Variants in RPF2 observed in about 807,000 individuals in gnomAD.
RPF2 encodes the protein brix domain containing 1.
Under a neutral mutation model 38.9 loss-of-function variants are expected in RPF2, and 21 were observed. The observed-to-expected ratio is 0.54, with a 90% confidence interval of 0.38 to 0.78. RPF2 has a LOEUF of 0.78. Among genes scored for constraint, RPF2 ranks in the 30% least tolerant of loss-of-function variants. The pLI, the probability that RPF2 is intolerant of heterozygous loss-of-function variation, is 0.00. For synonymous variants in RPF2, 121 were observed against 126.2 expected, an observed-to-expected ratio of 0.96 and a Z score of 0.28; for missense variants, 314 against 358.1, an observed-to-expected ratio of 0.88 and a Z score of 0.99.
chr6:111,006,197 C>T (rs904510480), intron 6 of RPF2, among the ~76,000 whole-genome samples: 2 of 151,584 alleles, frequency 1.3e-5, no homozygotes, highest in African/African-American at 4.8e-5. Context: ...TCCTAAAGTG[C>T]TGGGATTACA....
chr6:110,987,640 G>A (rs1287206598), intron 2 of RPF2, among the ~76,000 whole-genome samples: 1 of 152,158 alleles, frequency 6.6e-6, no homozygotes, highest in East Asian at 1.9e-4. Context: ...TTATTACACG[G>A]AAACAGGGAA....
At chr6:111,000,858 G>C (rs1279212735) in intron 6 of RPF2, among the ~76,000 whole-genome samples, 1 of 150,640 alleles carries the variant, frequency 6.6e-6, no homozygotes, top group African/African-American at 2.5e-5. Flanking sequence ...CTAGGGCTTT[G>C]AGAGAAGTGA....
At chr6:111,011,297 TTTCTTTCTTTC>T (rs1183968754) in intron 7 of RPF2, among the ~76,000 whole-genome samples, 2 of 143,766 alleles carry the variant, frequency 1.4e-5, no homozygotes, top group Admixed American at 6.8e-5. Context: ...TCTTTCTTTC[TTTCTTTCTTTC>T]TTTTTTTTTT....
At chr6:111,012,441 G>T (rs1303626996) in intron 7 of RPF2, among the ~76,000 whole-genome samples, 1 of 152,062 alleles carries the variant, frequency 6.6e-6, no homozygotes, top group African/African-American at 2.4e-5. Context: ...CAAAGTTGGA[G>T]GTGTGAGCCA....
chr6:110,992,698 G>A (rs1771640751), intron 4 of RPF2, among the ~76,000 whole-genome samples: 1 of 152,130 alleles, frequency 6.6e-6, no homozygotes, highest in Admixed American at 6.6e-5. Flanking sequence ...GAAAAAACTG[G>A]TTAGTGAAAT....
intron 2 of RPF2, among the ~76,000 whole-genome samples, chr6:110,985,799 G>A (rs750837205): frequency 1.3e-5 from 2 of 152,090 alleles, no homozygotes; most frequent in Non-Finnish European, 2.9e-5. Flanking sequence ...TTAGCCGGGT[G>A]TGGTGGCGGG....
At chr6:111,024,410 A>G in intron 9 of RPF2, 83 bp downstream of exon 9, 1 of 1,388,288 alleles carries the variant, frequency 7.2e-7, no homozygotes, top group Non-Finnish European at 9.7e-7. Flanking sequence ...TTTGTGGCAT[A>G]TTATATTAAA....
Position 110,989,012 on chromosome 6 carries a change from A to G in RPF2, c.157-16A>G, listed in dbSNP as rs935581818. 1.9e-6 allele frequency: 3 copies of G among 1,596,050 alleles called. No homozygotes were observed. The highest frequency in any genetic ancestry group is 1.3e-5 in the African/African-American group (1 of 74,238). On this transcript the variant is annotated splice_polypyrimidine_tract_variant and intron_variant, in intron 2 of 9. Coordinates refer to ENST00000441448, the MANE Select transcript of RPF2 (RefSeq NM_032194.3). ...GAATGTGTTTTGTTTTGAAAGCTAT[A>G]AATTTTGTTTTACAGTATGCACTGA...
chr6:111,007,379 G>A (rs1335769321), intron 6 of RPF2, among the ~76,000 whole-genome samples: 1 of 152,072 alleles, frequency 6.6e-6, no homozygotes, highest in African/African-American at 2.4e-5. Context: ...TAATGTAAAT[G>A]AATGGAACAA....
intron 4 of RPF2, among the ~76,000 whole-genome samples, chr6:110,993,100 C>T (rs913752206): frequency 1.3e-5 from 2 of 152,082 alleles, no homozygotes; most frequent in Non-Finnish European, 2.9e-5. Context: ...ACTGCAGGTG[C>T]ACGACACGAT....
At chr6:111,022,504 G>T (rs1416018107) in intron 8 of RPF2, among the ~76,000 whole-genome samples, 2 of 152,058 alleles carry the variant, frequency 1.3e-5, no homozygotes, top group Non-Finnish European at 2.9e-5. Context: ...CATCTACACA[G>T]AAAAGTATGA....
intron 7 of RPF2, among the ~76,000 whole-genome samples, chr6:111,014,141 G>GTT (rs112613781): frequency 2.2e-5 from 3 of 137,614 alleles, no homozygotes; most frequent in African/African-American, 7.9e-5. Flanking sequence ...TGTTTTTTGG[G>GTT]TTTTTTTTTT....
intron 6 of RPF2, among the ~76,000 whole-genome samples, chr6:111,000,262 G>A (rs1371886587): frequency 1.3e-5 from 2 of 151,948 alleles, no homozygotes; most frequent in Non-Finnish European, 2.9e-5. Flanking sequence ...ATGCCAGCAC[G>A]CCCAGCTAAT....
At chr6:110,983,066 T>C (rs193137340) in intron 1 of RPF2, among the ~76,000 whole-genome samples, 1 of 152,266 alleles carries the variant, frequency 6.6e-6, no homozygotes, top group Admixed American at 6.5e-5. Context: ...GAAACTTAAG[T>C]GTATGTATGG....
chr6:111,005,165 C>T (rs936770574), intron 6 of RPF2, among the ~76,000 whole-genome samples: 2 of 152,104 alleles, frequency 1.3e-5, no homozygotes, highest in African/African-American at 2.4e-5. Flanking sequence ...AAGTATAGAC[C>T]GTTAAGGTTC....
At chr6:111,011,276 T>TTTTG (rs1772007902) in intron 7 of RPF2, among the ~76,000 whole-genome samples, 1 of 133,578 alleles carries the variant, frequency 7.5e-6, no homozygotes, top group African/African-American at 2.6e-5. Flanking sequence ...TCAAGGGTAT[T>TTTTG]TTTCTTTCTT....
intron 5 of RPF2, 46 bp from the exon 6 acceptor site, chr6:110,999,665 G>A (rs1771779219): frequency 3.2e-6 from 4 of 1,234,262 alleles, no homozygotes; most frequent in Non-Finnish European, 4.8e-6. Flanking sequence ...TATGTAAGGT[G>A]GCTCTTTGGG....
At chr6:110,989,123 C>T in intron 3 of RPF2, 58 bp downstream of exon 3, 3 of 1,426,716 alleles carry the variant, frequency 2.1e-6, no homozygotes, top group South Asian at 1.5e-5. Flanking sequence ...ATAAAAGTAA[C>T]CACTTTATGG....
intron 8 of RPF2, among the ~76,000 whole-genome samples, chr6:111,021,696 G>C (rs779395057): frequency 2.0e-4 from 31 of 152,282 alleles, no homozygotes; most frequent in Middle Eastern, 6.8e-3. Context: ...GAGTAAAGGG[G>C]TACTCATAGA....
Sources: allele counts gnomAD v4.1 joint callset (sites outside exome capture counted in the v4.1 genomes callset), GRCh38; gene constraint gnomAD v4.1.1; transcripts MANE v1.5; gene names NCBI Gene and HGNC (gene_info 2026-07-23, HGNC 2026-07-21).